NELL2: variants seen among roughly 807,000 people sequenced by gnomAD.
NELL2 encodes the protein protein kinase C-binding protein NELL2.
NELL2 carries 41 observed loss-of-function variants against 109.6 expected under a neutral mutation model. The ratio of observed to expected loss-of-function variants is 0.37; its 90% CI spans 0.29 to 0.49. The LOEUF (loss-of-function observed/expected upper bound fraction) is 0.49, where lower values mean the gene tolerates loss of function less well. Among genes scored for constraint, NELL2 ranks in the 20% least tolerant of loss-of-function variants. The probability of loss-of-function intolerance (pLI) is 0.98; values close to 1 mark genes in which losing one functional copy is unlikely to be tolerated. For missense variants in NELL2, 900 were observed against 1,008.3 expected, an observed-to-expected ratio of 0.89 and a Z score of 1.45; for synonymous variants, 355 against 344.7, an observed-to-expected ratio of 1.03 and a Z score of -0.33.
chr12:44,821,666 C>T (rs1356940265), intron 2 of NELL2, among the ~76,000 whole-genome samples: 1 of 152,026 alleles, frequency 6.6e-6, no homozygotes, highest in African/African-American at 2.4e-5. Context: ...GTCAAAGAAA[C>T]TACCACCCAA....
At chr12:44,633,070 G>GCATA (rs1566055187) in intron 13 of NELL2, among the ~76,000 whole-genome samples, 1 of 151,822 alleles carries the variant, frequency 6.6e-6, no homozygotes, top group African/African-American at 2.4e-5. Context: ...ACACACACAT[G>GCATA]CATACACACA....
intron 13 of NELL2, among the ~76,000 whole-genome samples, chr12:44,633,865 TGAAGAGG>T (rs529962806): frequency 6.6e-6 from 1 of 152,236 alleles, no homozygotes; most frequent in South Asian, 2.1e-4. Context: ...GAGCTTCTAC[TGAAGAGG>T]GAAATTTGCT....
intron 12 of NELL2, among the ~76,000 whole-genome samples, chr12:44,665,822 C>G (rs1176685330): frequency 6.6e-6 from 1 of 152,108 alleles, no homozygotes; most frequent in Non-Finnish European, 1.5e-5. Context: ...TTGAAGAAGT[C>G]TGTCTATTTT....
intron 12 of NELL2, among the ~76,000 whole-genome samples, chr12:44,679,211 G>T (rs1948417483): frequency 1.3e-5 from 2 of 152,126 alleles, no homozygotes; most frequent in Non-Finnish European, 2.9e-5. Context: ...AAGAAAGGGT[G>T]GAAGTAAGGC....
chr12:44,874,841 C>T (rs949821462), intron 2 of NELL2, among the ~76,000 whole-genome samples: 2 of 152,184 alleles, frequency 1.3e-5, no homozygotes, highest in Admixed American at 1.3e-4. Context: ...GTACCTGAAA[C>T]TTTCAGAGAT....
In NELL2 at chr12:44,538,513, C is replaced by CT. The variant is rs930323467; in HGVS notation, c.1664-5793dup. Among the ~76,000 whole-genome samples, 14 of 152,024 alleles carry CT rather than the reference C, an allele frequency of 9.2e-5. No individual in the cohort carries two copies. In the Middle Eastern group the frequency reaches 0.017, roughly 186 times the overall value. ...AAGACGGATTTAGGTGAAAGAATGT[C>CT]TTTTTTTTCTGTGAACAATCAAGAG... On this transcript the variant is annotated intron_variant, in intron 15 of 19. Transcript: ENST00000429094.
chr12:44,868,943 C>T lies in NELL2; in HGVS notation c.184+6282G>A, dbSNP rs920562992. 6.6e-5 allele frequency among the ~76,000 whole-genome samples: 10 copies of T among 152,060 alleles called. No homozygotes were observed. The East Asian group carries it at 1.3e-3, about 20-fold the overall frequency. Reference sequence around the variant, plus strand: ...AATATGTTAATTAGCTCAATTTAGCCATTCCACAATGTATATTTCAAAATA... The same window carrying T: ...AATATGTTAATTAGCTCAATTTAGCTATTCCACAATGTATATTTCAAAATA... On this transcript the variant is annotated intron_variant, in intron 2 of 19. Coordinates refer to ENST00000429094, the MANE Select transcript of NELL2 (RefSeq NM_001145108.2).
intron 2 of NELL2, among the ~76,000 whole-genome samples, chr12:44,816,418 G>A (rs145318055): frequency 1.1e-3 from 164 of 152,112 alleles, no homozygotes; most frequent in African/African-American, 3.6e-3. Flanking sequence ...ACTTGGGGAC[G>A]TATACTCCCA....
intron 2 of NELL2, among the ~76,000 whole-genome samples, chr12:44,851,275 A>G (rs1285003713): frequency 1.3e-5 from 2 of 152,156 alleles, no homozygotes; most frequent in East Asian, 3.9e-4. Context: ...ACCCCCTACC[A>G]TAAATCAAGA....
chr12:44,572,936 C>T (rs1943928997), intron 15 of NELL2, among the ~76,000 whole-genome samples: 2 of 152,104 alleles, frequency 1.3e-5, no homozygotes, highest in Admixed American at 6.6e-5. Flanking sequence ...GTAGAAGCAG[C>T]ACTGGGAAAA....
chr12:44,698,694 T>C (rs929877478), intron 12 of NELL2, among the ~76,000 whole-genome samples: 2 of 152,200 alleles, frequency 1.3e-5, no homozygotes, highest in African/African-American at 4.8e-5. Flanking sequence ...ATATTCTTGT[T>C]AATTTGAAGA....
At chr12:44,555,052 G>A (rs987011447) in intron 15 of NELL2, among the ~76,000 whole-genome samples, 1 of 152,228 alleles carries the variant, frequency 6.6e-6, no homozygotes, top group Non-Finnish European at 1.5e-5. Flanking sequence ...AACTCAGCAT[G>A]TCAGTCATGG....
chr12:44,530,794 G>A (rs1466081505), intron 16 of NELL2, among the ~76,000 whole-genome samples: 1 of 152,054 alleles, frequency 6.6e-6, no homozygotes. Context: ...TACCACCATA[G>A]GCAAGCCTTC....
Position 44,725,401 on chromosome 12 carries a change from G to C in NELL2, c.995-10660C>G, listed in dbSNP as rs377511707. 5.3e-5 allele frequency among the ~76,000 whole-genome samples: 8 copies of C among 152,232 alleles called. No individual in the cohort carries two copies. In the East Asian group the frequency reaches 1.5e-3, roughly 29 times the overall value. ...AAAAGGGAATGATTATACGCTGTTG[G>C]TGGGAGTGTAAATTAGTTCAGCCAT... On this transcript the variant is annotated intron_variant, in intron 9 of 19. Transcript: ENST00000429094.
chr12:44,811,629 C>T (rs542345064), intron 3 of NELL2, among the ~76,000 whole-genome samples: 3 of 152,116 alleles, frequency 2.0e-5, no homozygotes, highest in African/African-American at 7.2e-5. Context: ...CTGAAGCTAC[C>T]ATTCCCACAG....
At chr12:44,619,052 C>G (rs1945942952) in intron 13 of NELL2, among the ~76,000 whole-genome samples, 1 of 152,082 alleles carries the variant, frequency 6.6e-6, no homozygotes, top group Non-Finnish European at 1.5e-5. Flanking sequence ...TCTCATGAAG[C>G]TTAAGGAGCT....
chr12:44,742,646 G>A (rs115095101), intron 9 of NELL2, among the ~76,000 whole-genome samples: 3,114 of 151,852 alleles, frequency 0.021, 103 homozygotes, highest in African/African-American at 0.071. Flanking sequence ...AAGACACTAC[G>A]TGACAAATGC....
chr12:44,846,536 T>G (rs1201285941), intron 2 of NELL2, among the ~76,000 whole-genome samples: 1 of 152,220 alleles, frequency 6.6e-6, no homozygotes, highest in African/African-American at 2.4e-5. Flanking sequence ...TGCACCCTAT[T>G]GCATTTTAAG....
intron 1 of NELL2, among the ~76,000 whole-genome samples, chr12:44,898,266 C>T (rs565269930): frequency 1.6e-4 from 25 of 152,290 alleles, no homozygotes; most frequent in Middle Eastern, 3.4e-3. Flanking sequence ...TAGGGACAGA[C>T]GACCTCCTCA....
Sources: allele counts gnomAD v4.1 joint callset (sites outside exome capture counted in the v4.1 genomes callset), GRCh38; gene constraint gnomAD v4.1.1; transcripts MANE v1.5; gene names NCBI Gene and HGNC (gene_info 2026-07-23, HGNC 2026-07-21).